Variants in PTPN9 observed in about 807,000 individuals in gnomAD.
The protein encoded by PTPN9 is protein tyrosine phosphatase non-receptor type 9, also known as tyrosine-protein phosphatase non-receptor type 9.
Under a neutral mutation model 69.8 loss-of-function variants are expected in PTPN9, and 26 were observed. The ratio of observed to expected loss-of-function variants is 0.37; its 90% confidence interval spans 0.27 to 0.52. The LOEUF (loss-of-function observed/expected upper bound fraction) is 0.52. Among genes scored for constraint, PTPN9 ranks in the 20% least tolerant of loss-of-function variants. The pLI, the probability that PTPN9 is intolerant of heterozygous loss-of-function variation, is 0.91. For missense variants in PTPN9, 549 were observed against 740.3 expected, an observed-to-expected ratio of 0.74 and a Z score of 3.00; for synonymous variants, 274 against 272.5, an observed-to-expected ratio of 1.01 and a Z score of -0.05.
intron 7 of PTPN9, among the ~76,000 whole-genome samples, chr15:75,501,424 TTTTC>T (rs1162053436): frequency 2.6e-5 from 4 of 151,666 alleles, no homozygotes; most frequent in South Asian, 2.1e-4. Context: ...GCTTCCCTCA[TTTTC>T]TTTCTTTTTT....
chr15:75,550,120 C>A (rs1169425892), intron 1 of PTPN9, among the ~76,000 whole-genome samples: 1 of 151,400 alleles, frequency 6.6e-6, no homozygotes, highest in Admixed American at 6.6e-5. Flanking sequence ...CCCTAACAAT[C>A]TGACAATCCT....
rs1347188069 is a variant in PTPN9 at position 75,490,259 on chromosome 15, G to C, written c.1011C>G (p.Pro337=). The change falls in exon 8 of 13, where the codon CCC becomes CCG. Residue 337 remains proline (P), a synonymous_variant. Coordinates refer to ENST00000618819, the MANE Select transcript of PTPN9 (RefSeq NM_002833.4). ...GCTTCACTCTAGTTTGGTCCAGGCA[G>C]GGTACATCCCCATAACGGTTTTTCT... ...NLEKNRYGDV[P]CLDQTRVKLT... 1 of 1,613,810 alleles carries C rather than the reference G, an allele frequency of 6.2e-7. No individual in the cohort carries two copies. Among genetic ancestry groups the C allele is most frequent in the African/African-American group, 1.3e-5 (1 of 75,018 alleles).
intron 1 of PTPN9, among the ~76,000 whole-genome samples, chr15:75,559,783 A>AAAAAAG (rs925206692): frequency 0.16 from 21,995 of 141,552 alleles, 2,282 homozygotes; most frequent in Non-Finnish European, 0.23. Flanking sequence ...AAAAAAAAAA[A>AAAAAAG]AAGAAGAAAG....
intron 1 of PTPN9, among the ~76,000 whole-genome samples, chr15:75,570,975 T>A (rs1254138365): frequency 1.3e-5 from 2 of 151,942 alleles, no homozygotes; most frequent in East Asian, 3.9e-4. Flanking sequence ...TCAAAAACGA[T>A]GAGGACGGGC....
intron 1 of PTPN9, among the ~76,000 whole-genome samples, chr15:75,557,403 C>A (rs748475808): frequency 6.7e-6 from 1 of 149,884 alleles, no homozygotes. Context: ...CCAGCCTGGT[C>A]GACAGAATGG....
chr15:75,516,741 CTT>C (rs34906409), intron 5 of PTPN9, among the ~76,000 whole-genome samples: 195 of 87,922 alleles, frequency 2.2e-3, no homozygotes, highest in African/African-American at 7.6e-3. Context: ...TGTTCCTGTG[CTT>C]TTTTTTTTTT....
At chr15:75,577,623 A>C (rs1346898605) in intron 1 of PTPN9, among the ~76,000 whole-genome samples, 1 of 152,250 alleles carries the variant, frequency 6.6e-6, no homozygotes, top group Non-Finnish European at 1.5e-5. Flanking sequence ...CAGGTCAACA[A>C]GCCCATTAGC....
At chr15:75,552,299 C>T (rs1396188417) in intron 1 of PTPN9, among the ~76,000 whole-genome samples, 1 of 151,496 alleles carries the variant, frequency 6.6e-6, no homozygotes, top group East Asian at 1.9e-4. Flanking sequence ...CCCAGCTACT[C>T]GGGAGGCTGA....
rs1265854288 is a variant in PTPN9 at position 75,463,670 on chromosome 15, T to A, written c.*5099A>T. The A allele has an allele frequency of 6.6e-6, 1 of 152,228 alleles. No individual in the cohort carries two copies. Among genetic ancestry groups the A allele is most frequent in the Non-Finnish European group, 1.5e-5 (1 of 68,040 alleles). The allele number at this position is 152,228 out of a possible 1,614,324, so 9.4% of individuals were successfully genotyped here. A position where few individuals can be genotyped will look rare whatever the true frequency, so the allele number is the denominator to read the frequency against. The stretch of plus-strand genomic sequence containing the variant: ...CAGGTTTCAAGGTGCTAGATTTTTT[T>A]TCCCCCAAGAAAACATCTCCAAGTA... On this transcript the variant is annotated 3_prime_UTR_variant, in exon 13 of 13. Transcript: ENST00000618819.
At chr15:75,502,175 G>A (rs955194371) in intron 7 of PTPN9, among the ~76,000 whole-genome samples, 27 of 152,032 alleles carry the variant, frequency 1.8e-4, no homozygotes, top group Admixed American at 1.2e-3. Context: ...GGCCAGGTGC[G>A]GTAGATCATA....
intron 8 of PTPN9, among the ~76,000 whole-genome samples, chr15:75,484,657 G>T (rs898422480): frequency 2.0e-5 from 3 of 152,202 alleles, no homozygotes; most frequent in African/African-American, 7.2e-5. Context: ...GGAGTTGAAT[G>T]GATAGAAGCA....
Position 75,480,943 on chromosome 15 carries a change from T to C in PTPN9, c.1063-1029A>G, listed in dbSNP as rs1405921810. ...CTGCCTGGCCGCCCATCGTCTGGGA[T>C]GTGAGGAGCCCCTCTGCCTGGCTGC... On this transcript the variant is annotated intron_variant, in intron 8 of 12. Transcript: ENST00000618819. 47 of 200,260 alleles carry C rather than the reference T, an allele frequency of 2.3e-4. 1 individual carries two copies. Among genetic ancestry groups the C allele is most frequent in the African/African-American group, 8.0e-4 (25 of 31,268 alleles). 12.4% of individuals were successfully genotyped at this position (200,260 alleles called of 1,614,324 possible). A position where few individuals can be genotyped will look rare whatever the true frequency, so the allele number is the denominator to read the frequency against.
chr15:75,495,765 A>G (rs1263116758), intron 7 of PTPN9, among the ~76,000 whole-genome samples: 1 of 152,110 alleles, frequency 6.6e-6, no homozygotes. Flanking sequence ...AAAGAAAAAG[A>G]ATGAGGAACA....
intron 7 of PTPN9, among the ~76,000 whole-genome samples, chr15:75,491,511 CAAAT>C (rs1304241989): frequency 1.3e-5 from 2 of 151,916 alleles, no homozygotes; most frequent in Non-Finnish European, 2.9e-5. Context: ...GCTTCTGTAA[CAAAT>C]AACTAAAAAT....
chr15:75,469,236 CAG>C (rs1395877491), intron 12 of PTPN9, among the ~76,000 whole-genome samples: 2 of 152,244 alleles, frequency 1.3e-5, no homozygotes, highest in Non-Finnish European at 2.9e-5. Context: ...GAAGGTGACA[CAG>C]GGGAACTTCC....
chr15:75,523,809 A>G (rs2074915251), intron 3 of PTPN9, among the ~76,000 whole-genome samples: 1 of 152,244 alleles, frequency 6.6e-6, no homozygotes, highest in South Asian at 2.1e-4. Context: ...TTATTCAATT[A>G]TCATTAGTAA....
chr15:75,545,876 G>C (rs1595966751), intron 1 of PTPN9, among the ~76,000 whole-genome samples: 1 of 152,314 alleles, frequency 6.6e-6, no homozygotes, highest in East Asian at 1.9e-4. Context: ...TTGAGCCAGG[G>C]ATGGGAGGAT....
intron 1 of PTPN9, among the ~76,000 whole-genome samples, chr15:75,557,812 C>G (rs2075084033): frequency 6.6e-6 from 1 of 152,236 alleles, no homozygotes; most frequent in African/African-American, 2.4e-5. Context: ...TTTAGCAGTT[C>G]CATTCAAAAG....
chr15:75,549,012 G>T (rs1047323455), intron 1 of PTPN9, among the ~76,000 whole-genome samples: 1 of 151,902 alleles, frequency 6.6e-6, no homozygotes, highest in Non-Finnish European at 1.5e-5. Context: ...AGGCTGGAGT[G>T]CAGTGGGGCA....
Sources: gnomAD v4.1 joint callset for allele counts (sites outside exome capture counted in the v4.1 genomes callset) on GRCh38, gnomAD v4.1.1 for gene constraint, MANE v1.5 for transcripts, NCBI Gene and HGNC (gene_info 2026-07-23, HGNC 2026-07-21) for gene names.